Variants in TINAGL1 observed in about 807,000 individuals in gnomAD.
TINAGL1 encodes tubulointerstitial nephritis antigen like 1, also known as tubulointerstitial nephritis antigen-like.
A neutral mutation model predicts 62.0 loss-of-function variants in TINAGL1; 34 were observed. The observed-to-expected ratio is 0.55, with a 90% CI of 0.42 to 0.73. TINAGL1 has a LOEUF of 0.73. Among genes scored for constraint, TINAGL1 ranks in the 30% least tolerant of loss-of-function variants. The pLI, the probability that TINAGL1 is intolerant of heterozygous loss-of-function variation, is 0.00. For missense variants in TINAGL1, 516 were observed against 653.2 expected (o/e 0.79, Z 2.29); for synonymous variants, 221 against 249.7 (o/e 0.88, Z 1.08).
At position 31,577,437 on chromosome 1, in the gene TINAGL1, C is replaced by T. The variant is rs200050642; in HGVS notation, c.289C>T (p.Pro97Ser). 523 of 1,611,450 alleles carry T rather than the reference C, an allele frequency of 3.2e-4. 1 individual carries two copies. The highest frequency in any genetic ancestry group is 4.3e-4 in the Non-Finnish European group (502 of 1,178,444). The change falls in exon 2 of 12, where the codon CCC becomes TCC. Residue 97 changes from proline (P) to serine (S), a missense_variant. Coordinates refer to ENST00000271064, the MANE Select transcript of TINAGL1 (RefSeq NM_022164.3). This position sits in a 1 kb window ranked among gnomAD's most constrained non-coding sequence, Gnocchi z 5.4. ...CTGGGACTTCTGCCTCGGCGTGCCA[C>T]CCCCTTTTCCCCCGATCCAAGGTGG... is the stretch of plus-strand genomic sequence containing the variant. ...DFWDFCLGVP[P>S]PFPPIQGCMH...
At position 31,587,010 on chromosome 1, in the gene TINAGL1, G is replaced by A; in HGVS notation, c.*31G>A. ...CGGGCACCACGCGGGGTCCGGCCTGGGATCCAGGCTAAGGGCCGGCGGAAG... is the reference window on the plus strand; with the variant it reads ...CGGGCACCACGCGGGGTCCGGCCTGAGATCCAGGCTAAGGGCCGGCGGAAG... On this transcript the variant is annotated 3_prime_UTR_variant, in exon 12 of 12. Transcript: ENST00000271064. The A allele has an allele frequency of 7.0e-7, 1 of 1,436,348 alleles. No homozygotes were observed. Among genetic ancestry groups the A allele is most frequent in the Non-Finnish European group, 9.1e-7 (1 of 1,098,360 alleles). The allele number at this position is 1,436,348 out of a possible 1,614,324, so 89.0% of individuals were successfully genotyped here.
At chr1:31,580,937 A>G (rs1432505249) in intron 3 of TINAGL1, 1 of 363,230 alleles carries the variant, frequency 2.8e-6, no homozygotes, top group Non-Finnish European at 3.8e-6. Context: ...CAAGCTGCCC[A>G]GTGTTATAGG....
intron 11 of TINAGL1, 29 bp downstream of exon 11, chr1:31,586,784 C>A (rs1428274344): frequency 6.4e-7 from 1 of 1,550,456 alleles, no homozygotes; most frequent in Non-Finnish European, 8.7e-7. Context: ...TCCCCGCCCC[C>A]TCTTCCCCTC....
Position 31,586,703 on chromosome 1 carries a change from C to G in TINAGL1, c.1218-7C>G. On this transcript the variant is annotated splice_region_variant and splice_polypyrimidine_tract_variant and intron_variant, in intron 10 of 11. Transcript: ENST00000271064. ...GCTCCCTTCCCCCTCCTCTGCTCTG[C>G]CCACAGATGGGGAGAGGAGACGCTG... The G allele has an allele frequency of 6.4e-7, 1 of 1,558,160 alleles. No individual in the cohort carries two copies. The highest frequency in any genetic ancestry group is 8.7e-7 in the Non-Finnish European group (1 of 1,150,548).
In TINAGL1 at chr1:31,576,936, TCC is replaced by T; in HGVS notation, c.-15-197_-15-196del. On this transcript the variant is annotated intron_variant, in intron 1 of 11. Coordinates refer to ENST00000271064, the MANE Select transcript of TINAGL1 (RefSeq NM_022164.3). This position sits in a 1 kb window ranked among gnomAD's most constrained non-coding sequence, Gnocchi z 5.1. Reference sequence around the variant, plus strand: ...GTCCCTGCCTAGGTCAGGGAGGGGCTCCGTTTCTGCCCAGTCCCCATCCCCCT... The same window carrying T: ...GTCCCTGCCTAGGTCAGGGAGGGGCTGTTTCTGCCCAGTCCCCATCCCCCT... 1 of 515,274 alleles carries T rather than the reference TCC, an allele frequency of 1.9e-6. No homozygotes were observed. Among genetic ancestry groups the T allele is most frequent in the Non-Finnish European group, 3.4e-6 (1 of 297,822 alleles). The allele number at this position is 515,274 out of a possible 1,614,324, so 31.9% of individuals were successfully genotyped here.
Position 31,585,341 on chromosome 1 carries a change from G to A in TINAGL1, c.1047+1G>A, listed in dbSNP as rs1438359875. 5.0e-6 allele frequency: 8 copies of A among 1,604,112 alleles called. No individual in the cohort carries two copies. The highest frequency in any genetic ancestry group is 2.2e-5 in the East Asian group (1 of 44,710). The stretch of plus-strand genomic sequence containing the variant: ...TCCTGTCTACCGCCTCGGCTCCAAC[G>A]TAAGTCAGCACTTGGGTGAGGGCGC... On this transcript the variant is annotated splice_donor_variant, in intron 8 of 11. Coordinates refer to ENST00000271064, the MANE Select transcript of TINAGL1 (RefSeq NM_022164.3). LOFTEE classifies it high-confidence loss of function. The surrounding 1 kb of genome is among the most constrained non-coding windows in gnomAD (Gnocchi z 4.3).
Position 31,583,471 on chromosome 1 carries a change from G to A in TINAGL1, c.478G>A (p.Gly160Arg), listed in dbSNP as rs1475497672. ...INQGNYGWQA[G>R]NHSAFWGMTL... ...TCCCCTCTCCTTCAGCTGGCAGGCT[G>A]GGAACCACAGCGCCTTCTGGGGCAT... Residue 160 changes from glycine (G) to arginine (R), a missense_variant, in exon 5 of 12, where the codon GGG becomes AGG. Physicochemically the swap from Gly to Arg is moderately radical, Grantham distance 125. Transcript: ENST00000271064. The surrounding 1 kb of genome is among the most constrained non-coding windows in gnomAD (Gnocchi z 4.4). 3 of 1,613,592 alleles carry A rather than the reference G, an allele frequency of 1.9e-6. No homozygotes were observed. The highest frequency in any genetic ancestry group is 1.3e-5 in the African/African-American group (1 of 74,940).
chr1:31,578,275 T>TGA (rs1639059123), intron 2 of TINAGL1: 1 of 557,634 alleles, frequency 1.8e-6, no homozygotes, highest in African/African-American at 2.1e-5. Flanking sequence ...TGTGTGTGTG[T>TGA]GATGTCTTCA....
Position 31,577,488 on chromosome 1 carries a change from T to A in TINAGL1, c.310+30T>A. 1 of 1,580,650 alleles carries A rather than the reference T, an allele frequency of 6.3e-7. No individual in the cohort carries two copies. Among genetic ancestry groups the A allele is most frequent in the Non-Finnish European group, 8.6e-7 (1 of 1,161,852 alleles). On this transcript the variant is annotated intron_variant, in intron 2 of 11. Transcript: ENST00000271064. The surrounding 1 kb of genome is among the most constrained non-coding windows in gnomAD (Gnocchi z 5.4). Reference sequence around the variant, plus strand: ...GCACTAAGATGGCCAGGAGGGTGGGTCACTTTGTCCACCTCAGACTCAGCA... The same window carrying A: ...GCACTAAGATGGCCAGGAGGGTGGGACACTTTGTCCACCTCAGACTCAGCA...
chr1:31,578,601 G>C (rs56183802), intron 2 of TINAGL1, among the ~76,000 whole-genome samples: 4,640 of 138,798 alleles, frequency 0.033, 125 homozygotes, highest in Admixed American at 0.077. Context: ...ATTTCAGTGA[G>C]AGCTGGTGTG....
At chr1:31,586,282 A>G in intron 10 of TINAGL1, 1 of 320,052 alleles carries the variant, frequency 3.1e-6, no homozygotes, top group Non-Finnish European at 5.8e-6. Flanking sequence ...GAACTCGGTG[A>G]AATGTGCTTT....
At chr1:31,581,403 G>A (rs1639241914) in intron 3 of TINAGL1, among the ~76,000 whole-genome samples, 2 of 152,130 alleles carry the variant, frequency 1.3e-5, no homozygotes, top group African/African-American at 2.4e-5. Flanking sequence ...GGGGCGAGAG[G>A]TAGGTGGATT....
chr1:31,584,993 G>A lies in TINAGL1; in HGVS notation c.814G>A (p.Gly272Ser), dbSNP rs755929612. The A allele has an allele frequency of 1.2e-5, 20 of 1,610,732 alleles. No individual in the cohort carries two copies. Among genetic ancestry groups the A allele is most frequent in the Middle Eastern group, 1.6e-4 (1 of 6,078 alleles). The change falls in exon 7 of 12, where the codon GGT (glycine) becomes AGT (serine). Residue 272 changes from glycine (G) to serine (S), a missense_variant. Gly to Ser is a moderately conservative substitution (Grantham distance 56). Transcript: ENST00000271064. The surrounding 1 kb of genome is among the most constrained non-coding windows in gnomAD (Gnocchi z 4.0). ...CDTHQQQGCR[G>S]GRLDGAWWFL... is the part of the protein sequence containing the mutation. The stretch of plus-strand genomic sequence containing the variant: ...CACCCACCAGCAGCAGGGCTGCCGC[G>A]GTGGGCGTCTCGATGGTGCCTGGTG...
chr1:31,583,266 AG>A lies in TINAGL1; in HGVS notation c.467+26del, dbSNP rs1639294446. ...GGTGAGAGGCCCTAGAGGCACCCTC[AG>A]TGGGCACACATGCATACTCATGCAT... On this transcript the variant is annotated intron_variant, in intron 4 of 11. Transcript: ENST00000271064. The surrounding 1 kb of genome is among the most constrained non-coding windows in gnomAD (Gnocchi z 4.4). 2.5e-6 allele frequency: 4 copies of A among 1,608,608 alleles called. No individual in the cohort carries two copies. The highest frequency in any genetic ancestry group is 3.4e-6 in the Non-Finnish European group (4 of 1,175,014).
rs1639340053 is a variant in TINAGL1, at chr1:31,584,758, T to C, written c.663T>C (p.Leu221=). ...EKWPNLIHEP[L]DQGNCAGSWA... is the part of the protein sequence containing the mutation. ...GGCCCAACCTGATTCATGAGCCTCTTGACCAAGGCAACTGTGCAGGCTCCT... is the reference window on the plus strand; with the variant it reads ...GGCCCAACCTGATTCATGAGCCTCTCGACCAAGGCAACTGTGCAGGCTCCT... Residue 221 remains leucine (L), a synonymous_variant, in exon 6 of 12, where the codon CTT becomes CTC. Transcript: ENST00000271064. This position sits in a 1 kb window ranked among gnomAD's most constrained non-coding sequence, Gnocchi z 4.0. 6.2e-7 allele frequency: 1 copy of C among 1,614,134 alleles called. No homozygotes were observed. Among genetic ancestry groups the C allele is most frequent in the African/African-American group, 1.3e-5 (1 of 74,948 alleles).
intron 3 of TINAGL1, chr1:31,580,162 GCT>G (rs761677862): frequency 0.013 from 5,981 of 472,590 alleles, 61 homozygotes; most frequent in African/African-American, 0.047. Flanking sequence ...GGGTTAATGC[GCT>G]CTCTCTCTCT....
rs1049820732 is a variant in TINAGL1, at chr1:31,580,653, G to A, written c.374+1386G>A. On this transcript the variant is annotated intron_variant, in intron 3 of 11. Coordinates refer to ENST00000271064, the MANE Select transcript of TINAGL1 (RefSeq NM_022164.3). Reference sequence around the variant, plus strand: ...CATACTGGGTCTTGGCTCCCCTTGAGGCTCCTTAAAAGGCAACATTGGAGG... The same window carrying A: ...CATACTGGGTCTTGGCTCCCCTTGAAGCTCCTTAAAAGGCAACATTGGAGG... 4 of 1,289,142 alleles carry A rather than the reference G, an allele frequency of 3.1e-6. No homozygotes were observed. The African/African-American group carries it at 6.1e-5, about 20-fold the overall frequency. 79.9% of individuals were successfully genotyped at this position (1,289,142 alleles called of 1,614,324 possible). A position where few individuals can be genotyped will look rare whatever the true frequency, so the allele number is the denominator to read the frequency against.
Position 31,585,439 on chromosome 1 carries a change from G to A in TINAGL1, c.1048-1G>A. On this transcript the variant is annotated splice_acceptor_variant, in intron 8 of 11. Coordinates refer to ENST00000271064, the MANE Select transcript of TINAGL1 (RefSeq NM_022164.3). LOFTEE classifies it high-confidence loss of function. This position sits in a 1 kb window ranked among gnomAD's most constrained non-coding sequence, Gnocchi z 4.3. The stretch of plus-strand genomic sequence containing the variant: ...CTCTCTGTCCATCCCCTGCCCTCCA[G>A]GACAAGGAGATCATGAAGGAGCTGA... 6.2e-7 allele frequency: 1 copy of A among 1,614,142 alleles called. No homozygotes were observed. The highest frequency in any genetic ancestry group is 8.5e-7 in the Non-Finnish European group (1 of 1,179,996).
intron 3 of TINAGL1, chr1:31,580,391 T>G: frequency 7.8e-7 from 1 of 1,289,244 alleles, no homozygotes; most frequent in Non-Finnish European, 1.0e-6. Flanking sequence ...CAGAACAGTC[T>G]ACTGCCCTCT....
Sources: allele counts gnomAD v4.1 joint callset (sites outside exome capture counted in the v4.1 genomes callset), GRCh38; gene constraint gnomAD v4.1.1; non-coding constraint Gnocchi (gnomAD v3.1); transcripts MANE v1.5; gene names NCBI Gene and HGNC (gene_info 2026-07-23, HGNC 2026-07-21).